Variants in PLG observed in about 807,000 individuals in gnomAD.
The protein encoded by PLG is plasmin.
A neutral mutation model predicts 104.4 loss-of-function variants in PLG; 41 were observed. That is an observed-to-expected ratio of 0.39 (90% CI 0.31 to 0.51). PLG has a LOEUF of 0.51. Among genes scored for constraint, PLG ranks in the 20% least tolerant of loss-of-function variants. The probability of loss-of-function intolerance (pLI) is 0.76; values close to 1 mark genes in which losing one functional copy is unlikely to be tolerated. For missense variants in PLG, 891 were observed against 1,003.6 expected (o/e 0.89, Z 1.52); for synonymous variants, 337 against 357.1 (o/e 0.94, Z 0.63).
At chr6:160,730,236 G>T (rs1346637241) in intron 10 of PLG, among the ~76,000 whole-genome samples, 1 of 152,192 alleles carries the variant, frequency 6.6e-6, no homozygotes, top group East Asian at 1.9e-4. Context: ...GACCTCTTCA[G>T]ATCCCATAGT....
intron 10 of PLG, among the ~76,000 whole-genome samples, chr6:160,728,397 C>G (rs551165167): frequency 2.7e-4 from 1 of 3,770 alleles, no homozygotes; most frequent in Non-Finnish European, 4.4e-4. Flanking sequence ...CAACCAGAAT[C>G]TCAGCAGTCG....
At chr6:160,730,952 C>A (rs1304406118) in intron 10 of PLG, 99 bp from the exon 11 acceptor site, 8 of 1,188,614 alleles carry the variant, frequency 6.7e-6, no homozygotes, top group Admixed American at 1.8e-5. Context: ...TATTTCAAAG[C>A]CACTTGTTAA....
chr6:160,717,963 A>G (rs377649322), intron 7 of PLG, among the ~76,000 whole-genome samples: 63 of 152,218 alleles, frequency 4.1e-4, no homozygotes, highest in African/African-American at 1.4e-3. Flanking sequence ...AAAATTATTC[A>G]TTGTAGGGCT....
chr6:160,722,155 G>T (rs923549918), intron 9 of PLG, among the ~76,000 whole-genome samples: 15 of 152,130 alleles, frequency 9.9e-5, no homozygotes, highest in African/African-American at 3.6e-4. Flanking sequence ...AAAAGAGCTT[G>T]CATGTAAGTG....
chr6:160,710,599 G>A (rs1215629343), intron 3 of PLG, among the ~76,000 whole-genome samples: 1 of 152,090 alleles, frequency 6.6e-6, no homozygotes, highest in African/African-American at 2.4e-5. Flanking sequence ...ATCACTGGGA[G>A]CCTGAAGAAA....
At chr6:160,728,086 GC>G (rs910698260) in intron 10 of PLG, among the ~76,000 whole-genome samples, 2 of 151,916 alleles carry the variant, frequency 1.3e-5, no homozygotes, top group Admixed American at 6.6e-5. Flanking sequence ...ATTAAATTTT[GC>G]AAGATTGGAG....
chr6:160,707,784 T>C lies in PLG; in HGVS notation c.270T>C (p.Asp90=), dbSNP rs1379409334. The C allele has an allele frequency of 1.2e-6, 2 of 1,611,408 alleles. No homozygotes were observed. Among genetic ancestry groups the C allele is most frequent in the Non-Finnish European group, 1.7e-6 (2 of 1,179,358 alleles). Residue 90 remains aspartate, a synonymous_variant, in exon 3 of 19, where the codon GAT becomes GAC. Coordinates refer to ENST00000308192, the MANE Select transcript of PLG (RefSeq NM_000301.5). ...CCTCCATAATCATTAGGATGAGAGATGTAGTTTTATTTGAAAAGAAAGGTG... is the reference window on the plus strand; with the variant it reads ...CCTCCATAATCATTAGGATGAGAGACGTAGTTTTATTTGAAAAGAAAGGTG... ...RKSSIIIRMR[D]VVLFEKKVYL... is the part of the protein sequence containing the mutation.
Position 160,752,370 on chromosome 6 carries a change from C to A in PLG, c.2271+110C>A, listed in dbSNP as rs542147961. On this transcript the variant is annotated intron_variant, in intron 18 of 18. Coordinates refer to ENST00000308192, the MANE Select transcript of PLG (RefSeq NM_000301.5). This position sits in a 1 kb window ranked among gnomAD's most constrained non-coding sequence, Gnocchi z 4.7. ...AATTCAAGGATTTTCAACCGAAGACCCCAGTCTAAGTGTTGTTTAGAAACT... is the reference window on the plus strand; with the variant it reads ...AATTCAAGGATTTTCAACCGAAGACACCAGTCTAAGTGTTGTTTAGAAACT... 39 of 959,854 alleles carry A rather than the reference C, an allele frequency of 4.1e-5. No individual in the cohort carries two copies. The African/African-American group carries it at 5.3e-4, about 13-fold the overall frequency. 59.5% of individuals were successfully genotyped at this position (959,854 alleles called of 1,614,324 possible). A position where few individuals can be genotyped will look rare whatever the true frequency, so the allele number is the denominator to read the frequency against.
rs370198726 is a variant in PLG, at chr6:160,737,457, G to A, written c.1802+450G>A. On this transcript the variant is annotated intron_variant, in intron 14 of 18. Transcript: ENST00000308192. This position sits in a 1 kb window ranked among gnomAD's most constrained non-coding sequence, Gnocchi z 4.7. The stretch of plus-strand genomic sequence containing the variant: ...AGATTCTTTTTCTTTGGACACTTTC[G>A]TGAATCATTGAATTCAATGCAGAGG... Among the ~76,000 whole-genome samples, 5 of 152,142 alleles carry A rather than the reference G, an allele frequency of 3.3e-5. No homozygotes were observed. The East Asian group carries it at 5.8e-4, about 18-fold the overall frequency.
intron 3 of PLG, among the ~76,000 whole-genome samples, chr6:160,709,432 T>C (rs1300737733): frequency 6.6e-6 from 1 of 152,174 alleles, no homozygotes; most frequent in Non-Finnish European, 1.5e-5. Flanking sequence ...CCCTTCCTAG[T>C]GCCCTTAAAA....
Position 160,737,841 on chromosome 6 carries a change from T to C in PLG, c.1803-697T>C, listed in dbSNP as rs1263099449. 1.3e-5 allele frequency among the ~76,000 whole-genome samples: 2 copies of C among 152,244 alleles called. No homozygotes were observed. The highest frequency in any genetic ancestry group is 4.8e-5 in the African/African-American group (2 of 41,466). ...TTTATTTTATCATTTAGTAACTCCTTGCTCTACAGAGCTTTCACCTTCCAC... is the reference window on the plus strand; with the variant it reads ...TTTATTTTATCATTTAGTAACTCCTCGCTCTACAGAGCTTTCACCTTCCAC... On this transcript the variant is annotated intron_variant, in intron 14 of 18. Transcript: ENST00000308192. The surrounding 1 kb of genome is among the most constrained non-coding windows in gnomAD (Gnocchi z 4.7).
intron 6 of PLG, among the ~76,000 whole-genome samples, chr6:160,716,102 T>A (rs762214968): frequency 6.6e-6 from 1 of 152,254 alleles, no homozygotes; most frequent in Non-Finnish European, 1.5e-5. Context: ...GGACCATTCC[T>A]TTAAGCTATG....
chr6:160,713,086 G>C lies in PLG; in HGVS notation c.508G>C (p.Glu170Gln). 6.2e-7 allele frequency: 1 copy of C among 1,610,730 alleles called. No individual in the cohort carries two copies. The highest frequency in any genetic ancestry group is 8.5e-7 in the Non-Finnish European group (1 of 1,178,706). The change falls in exon 5 of 19, where the codon GAA becomes CAA. Residue 170 changes from glutamate (E) to glutamine (Q), a missense_variant. Glu to Gln is a conservative substitution (Grantham distance 29, BLOSUM62 2). Transcript: ENST00000308192. ...QGPWCYTTDP[E>Q]KRYDYCDILE... ...GCCCTGGTGCTATACTACTGATCCA[G>C]AAAAGAGATATGACTACTGCGACAT...
rs1294069490 is a variant in PLG, at chr6:160,702,431, A to T, written c.49+78A>T. 7 of 1,343,064 alleles carry T rather than the reference A, an allele frequency of 5.2e-6. No homozygotes were observed. The East Asian group carries it at 1.2e-4, about 23-fold the overall frequency. The allele number at this position is 1,343,064 out of a possible 1,614,324, so 83.2% of individuals were successfully genotyped here. ...GTAAAAATACATATGCCATGGCTTTATGTGCAATTCATTTAATTTTTGATT... is the reference window on the plus strand; with the variant it reads ...GTAAAAATACATATGCCATGGCTTTTTGTGCAATTCATTTAATTTTTGATT... On this transcript the variant is annotated intron_variant, in intron 1 of 18. Coordinates refer to ENST00000308192, the MANE Select transcript of PLG (RefSeq NM_000301.5).
intron 1 of PLG, among the ~76,000 whole-genome samples, chr6:160,704,821 C>T (rs1007067210): frequency 6.6e-6 from 1 of 152,190 alleles, no homozygotes; most frequent in East Asian, 1.9e-4. Context: ...CATCCACCTC[C>T]CTGTCCTGCC....
rs1017869950 is a variant in PLG, at chr6:160,745,519, C to A, written c.2125+4102C>A. Among the ~76,000 whole-genome samples, 7 of 152,312 alleles carry A rather than the reference C, an allele frequency of 4.6e-5. No individual in the cohort carries two copies. The East Asian group carries it at 1.2e-3, about 25-fold the overall frequency. On this transcript the variant is annotated intron_variant, in intron 17 of 18. Coordinates refer to ENST00000308192, the MANE Select transcript of PLG (RefSeq NM_000301.5). Reference sequence around the variant, plus strand: ...TTGCTTGGTAGGTTCTCCTCCATCCCTTTATTCTGAGCCTATGGGTGTCAT... The same window carrying A: ...TTGCTTGGTAGGTTCTCCTCCATCCATTTATTCTGAGCCTATGGGTGTCAT...
chr6:160,741,690 C>T lies in PLG; in HGVS notation c.2125+273C>T, dbSNP rs1044998326. Reference sequence around the variant, plus strand: ...TAATTTTTAACTTTTATTTTAGGTTCAGGGGTACATGTGCAAGTTTCTTGT... The same window carrying T: ...TAATTTTTAACTTTTATTTTAGGTTTAGGGGTACATGTGCAAGTTTCTTGT... On this transcript the variant is annotated intron_variant, in intron 17 of 18. Coordinates refer to ENST00000308192, the MANE Select transcript of PLG (RefSeq NM_000301.5). This position sits in a 1 kb window ranked among gnomAD's most constrained non-coding sequence, Gnocchi z 4.7. Among the ~76,000 whole-genome samples the T allele has an allele frequency of 1.3e-5, 2 of 152,084 alleles. No individual in the cohort carries two copies. The highest frequency in any genetic ancestry group is 2.9e-5 in the Non-Finnish European group (2 of 68,012).
At chr6:160,733,969 G>A (rs369491235) in intron 12 of PLG, 26 bp from the exon 13 acceptor site, 2 of 1,319,928 alleles carry the variant, frequency 1.5e-6, no homozygotes, top group Non-Finnish European at 2.2e-6. Context: ...ACGTGAGCTG[G>A]AGCTTACATG....
At chr6:160,749,884 T>C (rs1226271307) in intron 17 of PLG, among the ~76,000 whole-genome samples, 1 of 81,420 alleles carries the variant, frequency 1.2e-5, no homozygotes, top group East Asian at 8.7e-4. Flanking sequence ...ACCCTCATCA[T>C]CACCACCATT....
Sources: gnomAD v4.1 joint callset for allele counts (sites outside exome capture counted in the v4.1 genomes callset) on GRCh38, gnomAD v4.1.1 for gene constraint, Gnocchi (gnomAD v3.1) non-coding constraint, MANE v1.5 for transcripts, NCBI Gene and HGNC (gene_info 2026-07-23, HGNC 2026-07-21) for gene names.